TPRN: variants seen among roughly 807,000 people sequenced by gnomAD.
TPRN encodes the protein chromosome 9 open reading frame 75.
In TPRN, 32 loss-of-function variants were observed where a neutral mutation model predicts 42.6. The ratio of observed to expected loss-of-function variants is 0.75; its 90% CI spans 0.57 to 1.01. The LOEUF (loss-of-function observed/expected upper bound fraction) is 1.01, where lower values mean the gene tolerates loss of function less well. TPRN is among the 50% of genes least tolerant of loss of function. The pLI is 0.00. For synonymous variants in TPRN, 541 were observed against 445.6 expected, an observed-to-expected ratio of 1.21 and a Z score of -2.70; for missense variants, 1,095 against 957.5, an observed-to-expected ratio of 1.14 and a Z score of -1.90.
At position 137,195,751 on chromosome 9, in the gene TPRN, C is replaced by T. The variant is rs77304098; in HGVS notation, c.1726-3060G>A. On this transcript the variant is annotated intron_variant, in intron 1 of 3. Transcript: ENST00000409012. ...TAGGGCAGAGGGGACGGGAAGGGGC[C>T]GCCAGACAGGTAGGAGCCAGGCCAG... Among the ~76,000 whole-genome samples, 1,005 of 152,204 alleles carry T rather than the reference C, an allele frequency of 6.6e-3. 66 individuals are homozygous for T. In the South Asian group the frequency reaches 0.14, roughly 22 times the overall value.
chr9:137,197,781 C>G (rs1186475632), intron 1 of TPRN, among the ~76,000 whole-genome samples: 2 of 152,126 alleles, frequency 1.3e-5, no homozygotes, highest in African/African-American at 4.8e-5. Flanking sequence ...GGGCGAGGGT[C>G]GGGGAGATAG....
chr9:137,200,165 G>T lies in TPRN; in HGVS notation c.547C>A (p.Arg183Ser). The T allele has an allele frequency of 3.4e-6, 4 of 1,180,796 alleles. No homozygotes were observed. The highest frequency in any genetic ancestry group is 4.2e-6 in the Non-Finnish European group (4 of 956,410). 73.1% of individuals were successfully genotyped at this position (1,180,796 alleles called of 1,614,324 possible). A position where few individuals can be genotyped will look rare whatever the true frequency, so the allele number is the denominator to read the frequency against. ...GCCCCGGGGCTCGCCCCGCCACCGC[G>T]GGGCCCGGGCGCGGCGGGCGGGCTG... ...APSPPAAPGPRGGGASPGARR... is the reference protein window; with the variant it reads ...APSPPAAPGPSGGGASPGARR... The change falls in exon 1 of 4, where the codon CGC (arginine) becomes AGC (serine). Residue 183 changes from arginine to serine, a missense_variant. Arg to Ser is a moderately radical substitution (Grantham distance 110, BLOSUM62 -1). Coordinates refer to ENST00000409012, the MANE Select transcript of TPRN (RefSeq NM_001128228.3). This position sits in a 1 kb window ranked among gnomAD's most constrained non-coding sequence, Gnocchi z 4.3.
chr9:137,191,957 G>A lies in TPRN; in HGVS notation c.*155C>T, dbSNP rs1834625094. On this transcript the variant is annotated 3_prime_UTR_variant, in exon 4 of 4. Transcript: ENST00000409012. ...AGTGAGACCCAGACCTGGCCCCGAT[G>A]GCAGGAGGCACCCTAGCTGCTTCCA... The A allele has an allele frequency of 3.3e-6, 3 of 921,848 alleles. No homozygotes were observed. Among genetic ancestry groups the A allele is most frequent in the Non-Finnish European group, 5.1e-6 (3 of 592,274 alleles). 57.1% of individuals were successfully genotyped at this position (921,848 alleles called of 1,614,324 possible).
chr9:137,199,075 TA>T lies in TPRN; in HGVS notation c.1636del (p.Tyr546ThrfsTer9). On this transcript the variant is annotated frameshift_variant, in exon 1 of 4. Coordinates refer to ENST00000409012, the MANE Select transcript of TPRN (RefSeq NM_001128228.3). LOFTEE classifies it high-confidence loss of function. ...CLLGPTLKKR[Y>X]PTVHEIEVIG... The stretch of plus-strand genomic sequence containing the variant: ...CACCTCGATCTCATGCACGGTGGGG[TA>T]GCGCTTCTTCAACGTGGGCCCCAGG... The T allele has an allele frequency of 3.7e-6, 6 of 1,613,182 alleles. No individual in the cohort carries two copies. Among genetic ancestry groups the T allele is most frequent in the Non-Finnish European group, 5.1e-6 (6 of 1,179,980 alleles).
chr9:137,199,309 T>C lies in TPRN; in HGVS notation c.1403A>G (p.Gln468Arg). 6.2e-7 allele frequency: 1 copy of C among 1,612,348 alleles called. No individual in the cohort carries two copies. Among genetic ancestry groups the C allele is most frequent in the South Asian group, 1.1e-5 (1 of 91,082 alleles). Residue 468 changes from glutamine (Q) to arginine (R), a missense_variant, in exon 1 of 4, where the codon CAA (glutamine) becomes CGA (arginine). Gln to Arg is a conservative substitution (Grantham distance 43, BLOSUM62 1). Coordinates refer to ENST00000409012, the MANE Select transcript of TPRN (RefSeq NM_001128228.3). Reference protein sequence around the residue: ...IDEVDSEEAPQAAKLPYLPHP... With the variant: ...IDEVDSEEAPRAAKLPYLPHP... ...CGGGAGGTAGGGTAGTTTGGCTGCT[T>C]GGGGGGCCTCCTCCGAGTCTACCTC...
In TPRN at chr9:137,199,118, C is replaced by G; in HGVS notation, c.1594G>C (p.Glu532Gln). 6.2e-7 allele frequency: 1 copy of G among 1,613,242 alleles called. No individual in the cohort carries two copies. The change falls in exon 1 of 4, where the codon GAG (glutamate) becomes CAG (glutamine). Residue 532 changes from glutamate to glutamine, a missense_variant. Physicochemically the swap from Glu to Gln is conservative, Grantham distance 29. Coordinates refer to ENST00000409012, the MANE Select transcript of TPRN (RefSeq NM_001128228.3). Reference protein sequence around the residue: ...REPRPREAEEEEASCLLGPTL... With the variant: ...REPRPREAEEQEASCLLGPTL... ...GGCCCCAGGAGGCAACTAGCCTCCT[C>G]CTCCTCGGCCTCCCGTGGCCGAGGC...
rs1834765020 is a variant in TPRN at position 137,199,583 on chromosome 9, C to T, written c.1129G>A (p.Gly377Ser). 1 of 1,555,780 alleles carries T rather than the reference C, an allele frequency of 6.4e-7. No homozygotes were observed. The highest frequency in any genetic ancestry group is 1.4e-5 in the African/African-American group (1 of 73,348). ...LGSQPVPGGD[G>S]APALGKSPLE... Reference sequence around the variant, plus strand: ...GGGCTCTTCCCGAGGGCAGGCGCACCATCCCCTCCAGGCACCGGCTGGGAT... The same window carrying T: ...GGGCTCTTCCCGAGGGCAGGCGCACTATCCCCTCCAGGCACCGGCTGGGAT... Residue 377 changes from glycine (G) to serine (S), a missense_variant, in exon 1 of 4, where the codon GGT becomes AGT. Physicochemically the swap from Gly to Ser is moderately conservative, Grantham distance 56. Transcript: ENST00000409012.
intron 1 of TPRN, among the ~76,000 whole-genome samples, chr9:137,197,581 G>A (rs1834724225): frequency 6.6e-6 from 1 of 152,330 alleles, no homozygotes; most frequent in East Asian, 1.9e-4. Flanking sequence ...CCAAGCTGAG[G>A]CGCAGTTTCT....
In TPRN at chr9:137,200,535, G is replaced by T; in HGVS notation, c.177C>A (p.Asn59Lys). The part of the protein sequence containing the change: ...LAESLGPLRE[N>K]PFMLLEAERR... ...GCTCGGCCTCCAGCAGCATGAACGG[G>T]TTCTCGCGCAGCGGGCCCAGGCTCT... Residue 59 changes from asparagine to lysine, a missense_variant, in exon 1 of 4, where the codon AAC becomes AAA. By Grantham distance (94) the Asn-to-Lys change is moderately conservative (BLOSUM62 0). Coordinates refer to ENST00000409012, the MANE Select transcript of TPRN (RefSeq NM_001128228.3). The surrounding 1 kb of genome is among the most constrained non-coding windows in gnomAD (Gnocchi z 4.3). The T allele has an allele frequency of 8.6e-7, 1 of 1,167,422 alleles. No individual in the cohort carries two copies. Among genetic ancestry groups the T allele is most frequent in the Non-Finnish European group, 1.1e-6 (1 of 946,700 alleles). The allele number at this position is 1,167,422 out of a possible 1,614,324, so 72.3% of individuals were successfully genotyped here.
intron 1 of TPRN, among the ~76,000 whole-genome samples, chr9:137,197,051 C>T (rs1385464538): frequency 2.0e-5 from 3 of 152,252 alleles, no homozygotes; most frequent in African/African-American, 7.2e-5. Flanking sequence ...CCACCCTGCC[C>T]TTCTGACCCT....
chr9:137,192,090 C>G lies in TPRN; in HGVS notation c.*22G>C. Reference sequence around the variant, plus strand: ...CGGGACTCCCACAGCTGGGCTCAGCCTTGGTCCTGGCAGTGCTGGGCTCAG... The same window carrying G: ...CGGGACTCCCACAGCTGGGCTCAGCGTTGGTCCTGGCAGTGCTGGGCTCAG... On this transcript the variant is annotated 3_prime_UTR_variant, in exon 4 of 4. Coordinates refer to ENST00000409012, the MANE Select transcript of TPRN (RefSeq NM_001128228.3). The G allele has an allele frequency of 6.2e-7, 1 of 1,611,164 alleles. No homozygotes were observed. Among genetic ancestry groups the G allele is most frequent in the Non-Finnish European group, 8.5e-7 (1 of 1,179,970 alleles).
intron 1 of TPRN, among the ~76,000 whole-genome samples, chr9:137,198,598 T>C (rs1834741126): frequency 6.6e-6 from 1 of 152,252 alleles, no homozygotes; most frequent in Non-Finnish European, 1.5e-5. Flanking sequence ...GGAGACCATG[T>C]GAGGCCACCC....
chr9:137,197,397 C>T (rs1241879277), intron 1 of TPRN, among the ~76,000 whole-genome samples: 2 of 152,196 alleles, frequency 1.3e-5, no homozygotes, highest in Non-Finnish European at 2.9e-5. Context: ...CCACCGCGCC[C>T]AGCCCAGTTC....
At position 137,192,638 on chromosome 9, in the gene TPRN, G is replaced by C. The variant is rs751004191; in HGVS notation, c.1779C>G (p.Ser593=). The C allele has an allele frequency of 1.2e-6, 2 of 1,613,844 alleles. No individual in the cohort carries two copies. Among genetic ancestry groups the C allele is most frequent in the Non-Finnish European group, 1.7e-6 (2 of 1,179,996 alleles). The part of the protein sequence containing the change: ...KSLQTTFEYP[S]ESSLEQEEEV... ...CTTCCTCCTGCTCTAGGGAGCTCTC[G>C]GAAGGGTACTCAAATGTGGTCTGCA... Residue 593 remains serine (S), a synonymous_variant, in exon 2 of 4, where the codon TCC becomes TCG. Coordinates refer to ENST00000409012, the MANE Select transcript of TPRN (RefSeq NM_001128228.3).
Position 137,192,436 on chromosome 9 carries a change from C to A in TPRN, c.1966+15G>T. 6.2e-7 allele frequency: 1 copy of A among 1,608,512 alleles called. No individual in the cohort carries two copies. The highest frequency in any genetic ancestry group is 8.5e-7 in the Non-Finnish European group (1 of 1,177,998). Reference sequence around the variant, plus strand: ...CACCCCTCCCAGGCTGCCTGTCCCCCAGGTGGGCACTCACCTGAGCTACCC... The same window carrying A: ...CACCCCTCCCAGGCTGCCTGTCCCCAAGGTGGGCACTCACCTGAGCTACCC... On this transcript the variant is annotated intron_variant, in intron 2 of 3. Transcript: ENST00000409012.
Position 137,200,373 on chromosome 9 carries a change from CG to C in TPRN, c.338del (p.Pro113ArgfsTer337), listed in dbSNP as rs1834787526. ...CGGCGGCGCGGATCTGCGCGGCCCCCGGGGCGGGCGGCGCGGGCGGGAAGCC... is the reference window on the plus strand; with the variant it reads ...CGGCGGCGCGGATCTGCGCGGCCCCCGGGCGGGCGGCGCGGGCGGGAAGCC... Reference protein sequence around the residue: ...VPGFPPAPPAPGAAQIRAAEV... With the variant: ...VPGFPPAPPAXGAAQIRAAEV... On this transcript the variant is annotated frameshift_variant, in exon 1 of 4. Transcript: ENST00000409012. LOFTEE classifies it high-confidence loss of function. The surrounding 1 kb of genome is among the most constrained non-coding windows in gnomAD (Gnocchi z 4.3). 2.8e-6 allele frequency: 3 copies of C among 1,073,202 alleles called. No homozygotes were observed. Among genetic ancestry groups the C allele is most frequent in the Non-Finnish European group, 3.4e-6 (3 of 891,258 alleles). The allele number at this position is 1,073,202 out of a possible 1,614,324, so 66.5% of individuals were successfully genotyped here.
intron 1 of TPRN, among the ~76,000 whole-genome samples, chr9:137,198,304 A>G (rs1834737147): frequency 6.6e-6 from 1 of 152,222 alleles, no homozygotes; most frequent in Non-Finnish European, 1.5e-5. Flanking sequence ...CTGTGCCCAG[A>G]GGATTCCAGG....
intron 1 of TPRN, 114 bp downstream of exon 1, chr9:137,198,873 A>G (rs1246498152): frequency 6.3e-7 from 1 of 1,584,296 alleles, no homozygotes; most frequent in African/African-American, 1.3e-5. Context: ...GTCCATGTAG[A>G]AACCATCCTT....
rs371983657 is a variant in TPRN at position 137,192,299 on chromosome 9, T to C, written c.2033A>G (p.Gln678Arg). 2.2e-5 allele frequency: 35 copies of C among 1,612,846 alleles called. No individual in the cohort carries two copies. The highest frequency in any genetic ancestry group is 2.7e-5 in the Non-Finnish European group (32 of 1,180,020). The change falls in exon 3 of 4, where the codon CAG becomes CGG. Residue 678 changes from glutamine to arginine, a missense_variant. Physicochemically the swap from Gln to Arg is conservative, Grantham distance 43. Coordinates refer to ENST00000409012, the MANE Select transcript of TPRN (RefSeq NM_001128228.3). ...FSKWQEQALE[Q>R]APREAEPPPV... is the part of the protein sequence containing the mutation. ...CGGGGGCTCTGCCTCCCTCGGGGCCTGCTCCAGCGCCTGCTCCTGCCACTT... is the reference window on the plus strand; with the variant it reads ...CGGGGGCTCTGCCTCCCTCGGGGCCCGCTCCAGCGCCTGCTCCTGCCACTT...
Sources: gnomAD v4.1 joint callset for allele counts (sites outside exome capture counted in the v4.1 genomes callset) on GRCh38, gnomAD v4.1.1 for gene constraint, Gnocchi (gnomAD v3.1) non-coding constraint, MANE v1.5 for transcripts, NCBI Gene and HGNC (gene_info 2026-07-23, HGNC 2026-07-21) for gene names.